The following TEAD1 variants were observed in gnomAD, a reference collection of about 807,000 sequenced individuals.
The protein encoded by TEAD1 is TEA domain transcription factor 1, also known as transcriptional enhancer factor TEF-1.
In TEAD1, 9 loss-of-function variants were observed where a neutral mutation model predicts 54.9. The ratio of observed to expected loss-of-function variants is 0.16; its 90% CI spans 0.10 to 0.29. The LOEUF (loss-of-function observed/expected upper bound fraction) is 0.29. Ranked by LOEUF, TEAD1 falls within the 10% of genes least tolerant of loss-of-function variation. The probability of loss-of-function intolerance (pLI) is 1.00; values close to 1 mark genes in which losing one functional copy is unlikely to be tolerated. For missense variants in TEAD1, 387 were observed against 535.9 expected (o/e 0.72, Z 2.74); for synonymous variants, 200 against 187.8 (o/e 1.07, Z -0.53).
intron 10 of TEAD1, among the ~76,000 whole-genome samples, chr11:12,906,655 C>T (rs552833946): frequency 1.1e-4 from 16 of 152,248 alleles, no homozygotes; most frequent in Admixed American, 5.2e-4. Context: ...TGTCACCCCG[C>T]GAGGATCTCC....
chr11:12,934,784 A>G (rs1049390562), intron 12 of TEAD1, among the ~76,000 whole-genome samples: 15 of 152,218 alleles, frequency 9.9e-5, no homozygotes, highest in African/African-American at 3.6e-4. Flanking sequence ...GAGAGATGGT[A>G]CTGCCTTCTG....
At chr11:12,815,813 G>A (rs539347853) in intron 3 of TEAD1, among the ~76,000 whole-genome samples, 2 of 152,130 alleles carry the variant, frequency 1.3e-5, no homozygotes, top group Admixed American at 6.6e-5. Flanking sequence ...AGCAGGTGTC[G>A]GCCACACCAA....
chr11:12,876,857 G>A (rs950217876), intron 5 of TEAD1, among the ~76,000 whole-genome samples: 1 of 152,156 alleles, frequency 6.6e-6, no homozygotes, highest in Admixed American at 6.5e-5. Flanking sequence ...TAGGGCCATG[G>A]TTTCTGTTCA....
chr11:12,754,329 C>T (rs987286118), intron 2 of TEAD1, among the ~76,000 whole-genome samples: 1 of 152,230 alleles, frequency 6.6e-6, no homozygotes, highest in African/African-American at 2.4e-5. Context: ...GCCTCTGCCT[C>T]TGCCCCGGAG....
chr11:12,900,046 T>C (rs908379590), intron 9 of TEAD1, among the ~76,000 whole-genome samples: 1 of 152,226 alleles, frequency 6.6e-6, no homozygotes, highest in Non-Finnish European at 1.5e-5. Context: ...ATTATATGTT[T>C]AAAAATGTTT....
At chr11:12,768,875 C>A (rs1460189137) in intron 3 of TEAD1, among the ~76,000 whole-genome samples, 1 of 152,162 alleles carries the variant, frequency 6.6e-6, no homozygotes, top group East Asian at 1.9e-4. Context: ...GGTCACCTTC[C>A]ACTTAGCCTT....
At chr11:12,881,587 A>G (rs943510343) in intron 7 of TEAD1, among the ~76,000 whole-genome samples, 1 of 152,240 alleles carries the variant, frequency 6.6e-6, no homozygotes, top group East Asian at 1.9e-4. Flanking sequence ...CATGTCCCAC[A>G]CTTTGCCTAG....
intron 10 of TEAD1, among the ~76,000 whole-genome samples, chr11:12,905,415 C>G (rs535114693): frequency 6.6e-6 from 1 of 152,190 alleles, no homozygotes; most frequent in South Asian, 2.1e-4. Context: ...TGGAGAACTT[C>G]CATGAATATG....
chr11:12,779,884 ATAAT>A (rs1266580815), intron 3 of TEAD1, among the ~76,000 whole-genome samples: 1 of 152,234 alleles, frequency 6.6e-6, no homozygotes, highest in Non-Finnish European at 1.5e-5. Flanking sequence ...CATGATGTAA[ATAAT>A]CAGCAAACTA....
At chr11:12,844,604 A>G (rs1241699210) in intron 3 of TEAD1, among the ~76,000 whole-genome samples, 1 of 152,118 alleles carries the variant, frequency 6.6e-6, no homozygotes, top group African/African-American at 2.4e-5. Flanking sequence ...CCACAGCAAT[A>G]TGGCAGTGGA....
chr11:12,731,116 A>G (rs1265162483), intron 2 of TEAD1, among the ~76,000 whole-genome samples: 1 of 152,174 alleles, frequency 6.6e-6, no homozygotes, highest in Non-Finnish European at 1.5e-5. Flanking sequence ...TTGAGCTTAG[A>G]TAGGGTCTCT....
intron 5 of TEAD1, among the ~76,000 whole-genome samples, chr11:12,866,055 G>C (rs571085607): frequency 6.6e-6 from 1 of 152,298 alleles, no homozygotes; most frequent in Admixed American, 6.5e-5. Flanking sequence ...GGAGCATTTG[G>C]TGTGCCCTCT....
chr11:12,720,374 T>A (rs941992240), intron 2 of TEAD1, among the ~76,000 whole-genome samples: 1 of 152,184 alleles, frequency 6.6e-6, no homozygotes, highest in Non-Finnish European at 1.5e-5. Flanking sequence ...GTCTGCATGC[T>A]TGTGATTTGG....
intron 2 of TEAD1, among the ~76,000 whole-genome samples, chr11:12,704,932 A>G (rs1208136737): frequency 1.3e-5 from 2 of 152,256 alleles, no homozygotes; most frequent in African/African-American, 4.8e-5. Context: ...TATGCTAATG[A>G]AAACATACAC....
rs551205229 is a variant in TEAD1, at chr11:12,870,561, C to T, written c.330+5661C>T. ...TCAGAGTTGTGGGGATTTTCTCCCCCGCCCCCCCCGGGGTTGGGGCATTTT... is the reference window on the plus strand; with the variant it reads ...TCAGAGTTGTGGGGATTTTCTCCCCTGCCCCCCCCGGGGTTGGGGCATTTT... On this transcript the variant is annotated intron_variant, in intron 5 of 12. Transcript: ENST00000527636. Among the ~76,000 whole-genome samples, 252 of 151,146 alleles carry T rather than the reference C, an allele frequency of 1.7e-3. 1 individual carries two copies. The highest frequency in any genetic ancestry group is 5.6e-3 in the African/African-American group (225 of 40,466).
intron 9 of TEAD1, among the ~76,000 whole-genome samples, chr11:12,892,079 A>G (rs1277224078): frequency 6.6e-6 from 1 of 152,226 alleles, no homozygotes; most frequent in African/African-American, 2.4e-5. Context: ...GTCTGTAAAT[A>G]TATCCTGCAG....
At position 12,704,755 on chromosome 11, in the gene TEAD1, A is replaced by T. The variant is rs116573205; in HGVS notation, c.-55+29194A>T. Among the ~76,000 whole-genome samples, 1,458 of 152,310 alleles carry T rather than the reference A, an allele frequency of 9.6e-3. 22 individuals are homozygous for T. Among genetic ancestry groups the T allele is most frequent in the African/African-American group, 0.033 (1,352 of 41,560 alleles). On this transcript the variant is annotated intron_variant, in intron 2 of 12. Coordinates refer to ENST00000527636, the MANE Select transcript of TEAD1 (RefSeq NM_021961.6). ...AGAAGCTCTCAAAGTGTGCTTGCAC[A>T]AGTCAAAGGATTGGGATGGGATGAT...
At chr11:12,677,997 A>G (rs1943133802) in intron 2 of TEAD1, among the ~76,000 whole-genome samples, 1 of 152,226 alleles carries the variant, frequency 6.6e-6, no homozygotes, top group Non-Finnish European at 1.5e-5. Flanking sequence ...AAAAATGACC[A>G]TATTCACATA....
chr11:12,769,626 A>G (rs1412546140), intron 3 of TEAD1, among the ~76,000 whole-genome samples: 1 of 151,556 alleles, frequency 6.6e-6, no homozygotes, highest in African/African-American at 2.4e-5. Flanking sequence ...ATGGCCATAG[A>G]CTCCCAGCCC....
Sources: gnomAD v4.1 joint callset for allele counts (sites outside exome capture counted in the v4.1 genomes callset) on GRCh38, gnomAD v4.1.1 for gene constraint, MANE v1.5 for transcripts, NCBI Gene and HGNC (gene_info 2026-07-23, HGNC 2026-07-21) for gene names.